SULT1C3: variants seen among roughly 807,000 people sequenced by gnomAD.
The protein encoded by SULT1C3 is sulfotransferase 1C3.
In SULT1C3, 31 loss-of-function variants were observed where a neutral mutation model predicts 28.4. The ratio of observed to expected loss-of-function variants is 1.09; its 90% CI spans 0.82 to 1.47. The LOEUF (loss-of-function observed/expected upper bound fraction) is 1.47, where lower values mean the gene tolerates loss of function less well. Ranked by LOEUF, SULT1C3 falls within the 40% of genes most tolerant of loss-of-function variation. The probability of loss-of-function intolerance (pLI) is 0.00; values close to 1 mark genes in which losing one functional copy is unlikely to be tolerated. For synonymous variants in SULT1C3, 106 were observed against 92.2 expected, an observed-to-expected ratio of 1.15 and a Z score of -0.86; for missense variants, 307 against 272.5, an observed-to-expected ratio of 1.13 and a Z score of -0.89.
intron 1 of SULT1C3, among the ~76,000 whole-genome samples, chr2:108,242,651 A>G (rs1285172514): frequency 6.6e-6 from 1 of 152,244 alleles, no homozygotes; most frequent in Non-Finnish European, 1.5e-5. Context: ...CCCCCAAAAC[A>G]TAAACAGTAT....
At chr2:108,246,916 G>A (rs1483069355) in intron 1 of SULT1C3, among the ~76,000 whole-genome samples, 1 of 152,120 alleles carries the variant, frequency 6.6e-6, no homozygotes, top group Non-Finnish European at 1.5e-5. Context: ...GCCCCAACAG[G>A]TATTGATTAT....
intron 3 of SULT1C3, 29 bp downstream of exon 3, chr2:108,252,522 AC>A: frequency 6.2e-7 from 1 of 1,609,372 alleles, no homozygotes; most frequent in East Asian, 2.2e-5. Flanking sequence ...GATAGAAAGG[AC>A]TTTCACTTCA....
At chr2:108,258,931 T>C (rs1284820178) in intron 6 of SULT1C3, 35 bp from the exon 7 acceptor site, 1 of 860,990 alleles carries the variant, frequency 1.2e-6, no homozygotes, top group Admixed American at 2.2e-5. Context: ...TCTTCTTTCC[T>C]CCCTCTTCAC....
chr2:108,261,639 A>C (rs1676029466), downstream of SULT1C3, among the ~76,000 whole-genome samples: 1 of 152,072 alleles, frequency 6.6e-6, no homozygotes, highest in Non-Finnish European at 1.5e-5. Context: ...AACATGTAAG[A>C]AAGGGGGGAA....
At chr2:108,254,815 ATGTGTATATATACACATATATATG>A (rs1457101130) in intron 4 of SULT1C3, among the ~76,000 whole-genome samples, 10 of 151,052 alleles carry the variant, frequency 6.6e-5, no homozygotes, top group African/African-American at 2.2e-4. Context: ...ATATGTATAT[ATGTGTATATATACACATATATATG>A]TGTGTATATA....
chr2:108,258,866 C>A (rs1164473961), intron 6 of SULT1C3, 38 bp downstream of exon 6: 5 of 1,494,686 alleles, frequency 3.3e-6, no homozygotes, highest in Non-Finnish European at 4.6e-6. Context: ...GACCCAGAAA[C>A]CCTCCTGACA....
intron 7 of SULT1C3, among the ~76,000 whole-genome samples, chr2:108,259,624 C>T (rs1291544513): frequency 6.6e-6 from 1 of 152,006 alleles, no homozygotes; most frequent in East Asian, 1.9e-4. Flanking sequence ...TGTCTGTCTC[C>T]AAAATAAGAT....
At chr2:108,253,494 A>G (rs1573221308) in intron 4 of SULT1C3, 52 bp downstream of exon 4, 1 of 912,508 alleles carries the variant, frequency 1.1e-6, no homozygotes, top group East Asian at 2.8e-5. Context: ...TATAAACTAT[A>G]CAACTGAAGA....
In SULT1C3 at chr2:108,252,477, C is replaced by T. The variant is rs748734048; in HGVS notation, c.285C>T (p.Pro95=). 4 of 1,611,758 alleles carry T rather than the reference C, an allele frequency of 2.5e-6. No individual in the cohort carries two copies. Among genetic ancestry groups the T allele is most frequent in the Non-Finnish European group, 3.4e-6 (4 of 1,178,734 alleles). ...ACGCTTTCCTTGAACTGAAATTTCC[C>T]CATAAAGAAAAACCAGGTGAGTAAT... ...DRHAFLELKF[P]HKEKPDLEFV... The change falls in exon 3 of 8, where the codon CCC becomes CCT. Residue 95 remains proline (P), a synonymous_variant. Coordinates refer to ENST00000681802, the MANE Select transcript of SULT1C3 (RefSeq NM_001320878.2).
intron 1 of SULT1C3, among the ~76,000 whole-genome samples, chr2:108,241,269 T>G (rs1675455648): frequency 6.6e-6 from 1 of 152,242 alleles, no homozygotes. Context: ...TGTGTCCTGT[T>G]GACAAAGAAA....
Position 108,253,369 on chromosome 2 carries a change from C to T in SULT1C3, c.326C>T (p.Ser109Phe). ...GATTTGGAGTTCGTTCTTGAAATGT[C>T]CTCACCACAACTGATAAAAACACAT... The part of the protein sequence containing the change: ...KPDLEFVLEM[S>F]SPQLIKTHLP... The change falls in exon 4 of 8, where the codon TCC becomes TTC. Residue 109 changes from serine to phenylalanine, a missense_variant. Transcript: ENST00000681802. The T allele has an allele frequency of 6.4e-7, 1 of 1,560,988 alleles. No homozygotes were observed. The highest frequency in any genetic ancestry group is 2.3e-5 in the East Asian group (1 of 44,066).
chr2:108,264,942 A>G (rs769581332), downstream of SULT1C3: 59 of 1,613,894 alleles, frequency 3.7e-5, 1 homozygote, highest in Non-Finnish European at 4.2e-6. Context: ...AAACCCAATG[A>G]CCAACTATAC....
In SULT1C3 at chr2:108,247,298, G is replaced by T; in HGVS notation, c.104G>T (p.Trp35Leu). Residue 35 changes from tryptophan to leucine, a missense_variant, in exon 2 of 8, where the codon TGG becomes TTG. Trp to Leu is a moderately conservative substitution (Grantham distance 61). Transcript: ENST00000681802. ...GVPTLILSKE[W>L]WEKVCNFQAK... ...CCTACGTTGATATTATCAAAAGAAT[G>T]GTGGGAAAAAGTATGTAATTTCCAA... 6.3e-7 allele frequency: 1 copy of T among 1,599,752 alleles called. No homozygotes were observed. Among genetic ancestry groups the T allele is most frequent in the Non-Finnish European group, 8.5e-7 (1 of 1,172,062 alleles).
intron 2 of SULT1C3, among the ~76,000 whole-genome samples, chr2:108,248,474 G>A (rs935481632): frequency 3.9e-5 from 6 of 152,142 alleles, no homozygotes; most frequent in African/African-American, 1.4e-4. Flanking sequence ...TTGAGTTCAA[G>A]AGCCAGGTGT....
At chr2:108,249,223 T>C (rs1675667770) in intron 2 of SULT1C3, among the ~76,000 whole-genome samples, 1 of 152,094 alleles carries the variant, frequency 6.6e-6, no homozygotes, top group Admixed American at 6.6e-5. Flanking sequence ...GGTGTTGTTT[T>C]AACTCATGAA....
At chr2:108,250,909 A>C (rs945229216) in intron 2 of SULT1C3, among the ~76,000 whole-genome samples, 2 of 152,054 alleles carry the variant, frequency 1.3e-5, no homozygotes, top group East Asian at 3.9e-4. Context: ...GAAGTGAGGA[A>C]AAGAATTACT....
chr2:108,256,775 C>T (rs917870684), intron 5 of SULT1C3, among the ~76,000 whole-genome samples: 2 of 152,050 alleles, frequency 1.3e-5, no homozygotes, highest in Non-Finnish European at 2.9e-5. Context: ...ATAATAATTT[C>T]CATCAAGCAT....
rs770668923 is a variant in SULT1C3, at chr2:108,258,688, G to A, written c.527-46G>A. ...GCACTAATTTACTTTATAGCCTTGG[G>A]TTTTGTCCCAGTACTGGGAACTAAC... On this transcript the variant is annotated intron_variant, in intron 5 of 7. Coordinates refer to ENST00000681802, the MANE Select transcript of SULT1C3 (RefSeq NM_001320878.2). 6.9e-6 allele frequency: 10 copies of A among 1,451,994 alleles called. No individual in the cohort carries two copies. In the Admixed American group the frequency reaches 1.3e-4, roughly 19 times the overall value. The allele number at this position is 1,451,994 out of a possible 1,614,324, so 89.9% of individuals were successfully genotyped here.
At chr2:108,254,746 TAC>T (rs1675821473) in intron 4 of SULT1C3, among the ~76,000 whole-genome samples, 3 of 125,714 alleles carry the variant, frequency 2.4e-5, no homozygotes, top group Admixed American at 7.6e-5. Flanking sequence ...TATGTATGCA[TAC>T]ATATGTATGT....
Sources: allele counts gnomAD v4.1 joint callset (sites outside exome capture counted in the v4.1 genomes callset), GRCh38; gene constraint gnomAD v4.1.1; transcripts MANE v1.5; gene names NCBI Gene and HGNC (gene_info 2026-07-23, HGNC 2026-07-21).